The following MFSD6 variants were observed in gnomAD, a reference collection of about 807,000 sequenced individuals.
MFSD6 encodes major facilitator superfamily domain-containing protein 6.
MFSD6 carries 26 observed loss-of-function variants against 56.3 expected under a neutral mutation model. The ratio of observed to expected loss-of-function variants is 0.46; its 90% CI spans 0.34 to 0.64. MFSD6 has a LOEUF of 0.64. Ranked by LOEUF, MFSD6 falls within the 30% of genes least tolerant of loss-of-function variation. The pLI, the probability that MFSD6 is intolerant of heterozygous loss-of-function variation, is 0.01. For missense variants in MFSD6, 750 were observed against 986.2 expected, an observed-to-expected ratio of 0.76 and a Z score of 3.21; for synonymous variants, 331 against 366.9, an observed-to-expected ratio of 0.90 and a Z score of 1.12.
At chr2:190,486,447 T>G (rs1689012941) in intron 4 of MFSD6, among the ~76,000 whole-genome samples, 1 of 152,238 alleles carries the variant, frequency 6.6e-6, no homozygotes, top group South Asian at 2.1e-4. Context: ...TCTAGCCACC[T>G]TGGCTCCCTA....
chr2:190,432,755 G>A (rs1025618032), intron 2 of MFSD6, among the ~76,000 whole-genome samples: 1 of 152,018 alleles, frequency 6.6e-6, no homozygotes, highest in African/African-American at 2.4e-5. Context: ...AAAATAACCT[G>A]CATTTGTTTG....
intron 4 of MFSD6, among the ~76,000 whole-genome samples, chr2:190,486,909 A>G (rs1046967544): frequency 1.3e-5 from 2 of 152,216 alleles, no homozygotes; most frequent in Non-Finnish European, 1.5e-5. Context: ...AATTCAGACA[A>G]TGCAGTTACT....
In MFSD6 at chr2:190,489,472, A is replaced by C. The variant is rs573896054; in HGVS notation, c.1793-296A>C. Among the ~76,000 whole-genome samples the C allele has an allele frequency of 1.3e-5, 2 of 152,226 alleles. No homozygotes were observed. Among genetic ancestry groups the C allele is most frequent in the African/African-American group, 4.8e-5 (2 of 41,462 alleles). ...ATAATTGGGTAAATGGTCTTTTCATATGAAGAGGAGAGCACCATTGAATTG... is the reference window on the plus strand; with the variant it reads ...ATAATTGGGTAAATGGTCTTTTCATCTGAAGAGGAGAGCACCATTGAATTG... On this transcript the variant is annotated intron_variant, in intron 5 of 7. Coordinates refer to ENST00000392328, the MANE Select transcript of MFSD6 (RefSeq NM_017694.4). This position sits in a 1 kb window ranked among gnomAD's most constrained non-coding sequence, Gnocchi z 6.6.
At chr2:190,479,519 A>G (rs969224452) in intron 4 of MFSD6, among the ~76,000 whole-genome samples, 3 of 152,192 alleles carry the variant, frequency 2.0e-5, no homozygotes, top group Non-Finnish European at 2.9e-5. Flanking sequence ...TACAAAGAAC[A>G]ATTAAACATT....
At chr2:190,435,810 C>A in intron 2 of MFSD6, 167 bp from the exon 3 acceptor site, 2 of 565,128 alleles carry the variant, frequency 3.5e-6, no homozygotes, top group South Asian at 3.5e-5. Flanking sequence ...TTTTTAAAAG[C>A]TATTTTTCCT....
intron 3 of MFSD6, among the ~76,000 whole-genome samples, chr2:190,446,589 G>A (rs1456208168): frequency 6.6e-6 from 1 of 152,160 alleles, no homozygotes; most frequent in Non-Finnish European, 1.5e-5. Flanking sequence ...AAATTTGGGG[G>A]ATCAGAGAGA....
rs1469771538 is a variant in MFSD6, at chr2:190,426,781, A to G, written c.-53-9196A>G. 6.6e-6 allele frequency among the ~76,000 whole-genome samples: 1 copy of G among 152,148 alleles called. No individual in the cohort carries two copies. Among genetic ancestry groups the G allele is most frequent in the Non-Finnish European group, 1.5e-5 (1 of 68,032 alleles). ...ATCTTCCTGGTTCTTGGTGTGACGA[A>G]TGATTTTTTATTGAAAGCAAGATGT... On this transcript the variant is annotated intron_variant, in intron 2 of 7. Transcript: ENST00000392328. The surrounding 1 kb of genome is among the most constrained non-coding windows in gnomAD (Gnocchi z 4.7).
chr2:190,485,130 C>CT lies in MFSD6; in HGVS notation c.1631-3524dup, dbSNP rs1688938314. On this transcript the variant is annotated intron_variant, in intron 4 of 7. Coordinates refer to ENST00000392328, the MANE Select transcript of MFSD6 (RefSeq NM_017694.4). The surrounding 1 kb of genome is among the most constrained non-coding windows in gnomAD (Gnocchi z 5.1). The stretch of plus-strand genomic sequence containing the variant: ...ACTTAAGTCATCCCACTGGAAAATG[C>CT]TTTAATTATCTTAGAACACTCAAAG... 6.6e-6 allele frequency among the ~76,000 whole-genome samples: 1 copy of CT among 152,128 alleles called. No individual in the cohort carries two copies. Among genetic ancestry groups the CT allele is most frequent in the Non-Finnish European group, 1.5e-5 (1 of 68,010 alleles).
chr2:190,477,676 A>G (rs1433158253), intron 4 of MFSD6, among the ~76,000 whole-genome samples: 1 of 152,232 alleles, frequency 6.6e-6, no homozygotes, highest in Non-Finnish European at 1.5e-5. Flanking sequence ...ATATACATAT[A>G]TTAACTCAGG....
intron 3 of MFSD6, among the ~76,000 whole-genome samples, chr2:190,464,235 T>C (rs1229088055): frequency 6.6e-6 from 1 of 152,172 alleles, no homozygotes; most frequent in African/African-American, 2.4e-5. Flanking sequence ...TAAAAAACAA[T>C]CTTCATCTGG....
In MFSD6 at chr2:190,459,523, TAAC is replaced by T. The variant is rs553617054; in HGVS notation, c.1533-10229_1533-10227del. Among the ~76,000 whole-genome samples the T allele has an allele frequency of 5.2e-4, 79 of 152,310 alleles. 1 individual carries two copies. The highest frequency in any genetic ancestry group is 6.8e-3 in the Middle Eastern group (2 of 294). On this transcript the variant is annotated intron_variant, in intron 3 of 7. Coordinates refer to ENST00000392328, the MANE Select transcript of MFSD6 (RefSeq NM_017694.4). This position sits in a 1 kb window ranked among gnomAD's most constrained non-coding sequence, Gnocchi z 5.3. ...AGTCATTTGACTAAACAGAAAAATA[TAAC>T]AACAAAACAGCATATTGTGTCTTCT... is the stretch of plus-strand genomic sequence containing the variant.
Position 190,424,997 on chromosome 2 carries a change from A to T in MFSD6, c.-54+9584A>T, listed in dbSNP as rs1287638068. 6.6e-6 allele frequency among the ~76,000 whole-genome samples: 1 copy of T among 152,216 alleles called. No individual in the cohort carries two copies. Among genetic ancestry groups the T allele is most frequent in the South Asian group, 2.1e-4 (1 of 4,834 alleles). On this transcript the variant is annotated intron_variant, in intron 2 of 7. Transcript: ENST00000392328. This position sits in a 1 kb window ranked among gnomAD's most constrained non-coding sequence, Gnocchi z 5.9. ...TTGAGGAGAATTGAAATTCATAAAC[A>T]TGGATCCATTTATTTAGCTCTTTGA...
In MFSD6 at chr2:190,488,471, A is replaced by G. The variant is rs1689144438; in HGVS notation, c.1631-186A>G. ...GATGGATGGTGGTGACAGCTGCACA[A>G]CACTGTGAGTGTACTCAGTGCCACT... On this transcript the variant is annotated intron_variant, in intron 4 of 7. Coordinates refer to ENST00000392328, the MANE Select transcript of MFSD6 (RefSeq NM_017694.4). The surrounding 1 kb of genome is among the most constrained non-coding windows in gnomAD (Gnocchi z 6.4). Among the ~76,000 whole-genome samples the G allele has an allele frequency of 6.6e-6, 1 of 152,248 alleles. No homozygotes were observed. Among genetic ancestry groups the G allele is most frequent in the Non-Finnish European group, 1.5e-5 (1 of 68,044 alleles).
chr2:190,473,290 G>C (rs1004664721), intron 4 of MFSD6, among the ~76,000 whole-genome samples: 3 of 152,126 alleles, frequency 2.0e-5, no homozygotes, highest in African/African-American at 4.8e-5. Context: ...ACACAGACTG[G>C]CAAATTGGAT....
chr2:190,408,536 C>A, intron 1 of MFSD6, 33 bp downstream of exon 1: 1 of 151,752 alleles, frequency 6.6e-6, no homozygotes, highest in South Asian at 2.0e-4. Flanking sequence ...AGAAGGGGCT[C>A]GCAGACCCGC....
rs1690025637 is a variant in MFSD6, at chr2:190,501,557, G to A, written c.*1339G>A. On this transcript the variant is annotated 3_prime_UTR_variant, in exon 8 of 8. Transcript: ENST00000392328. ...TATATAATTTATAATAGCTGTGGAT[G>A]AGCACAGGAGAGAGAGGAAAGAAAA... 6.6e-6 allele frequency: 1 copy of A among 152,142 alleles called. No individual in the cohort carries two copies. Among genetic ancestry groups the A allele is most frequent in the Admixed American group, 6.5e-5 (1 of 15,272 alleles). 9.4% of individuals were successfully genotyped at this position (152,142 alleles called of 1,614,324 possible). A position where few individuals can be genotyped will look rare whatever the true frequency, so the allele number is the denominator to read the frequency against.
At position 190,463,965 on chromosome 2, in the gene MFSD6, G is replaced by C. The variant is rs1227082784; in HGVS notation, c.1533-5793G>C. Reference sequence around the variant, plus strand: ...CTGTAGACTGTGCTCCAGGGATCTGGTGTCAACAACCAGCTCTTTTCATTA... The same window carrying C: ...CTGTAGACTGTGCTCCAGGGATCTGCTGTCAACAACCAGCTCTTTTCATTA... On this transcript the variant is annotated intron_variant, in intron 3 of 7. Transcript: ENST00000392328. The surrounding 1 kb of genome is among the most constrained non-coding windows in gnomAD (Gnocchi z 4.4). 1 of 867,790 alleles carries C rather than the reference G, an allele frequency of 1.2e-6. No individual in the cohort carries two copies. Among genetic ancestry groups the C allele is most frequent in the Admixed American group, 6.2e-5 (1 of 16,120 alleles). The allele number at this position is 867,790 out of a possible 1,614,324, so 53.8% of individuals were successfully genotyped here. A position where few individuals can be genotyped will look rare whatever the true frequency, so the allele number is the denominator to read the frequency against.
rs1183186687 is a variant in MFSD6 at position 190,431,298 on chromosome 2, G to A, written c.-53-4679G>A. ...CAGAGACGCTCCTCACTTCCCAGAC[G>A]GGGTGGCGGCCGGGCAGAGGCTGCA... On this transcript the variant is annotated intron_variant, in intron 2 of 7. Coordinates refer to ENST00000392328, the MANE Select transcript of MFSD6 (RefSeq NM_017694.4). The surrounding 1 kb of genome is among the most constrained non-coding windows in gnomAD (Gnocchi z 4.4). 7.2e-5 allele frequency among the ~76,000 whole-genome samples: 11 copies of A among 152,272 alleles called. No individual in the cohort carries two copies. In the East Asian group the frequency reaches 1.2e-3, roughly 16 times the overall value.
Position 190,496,998 on chromosome 2 carries a change from A to C in MFSD6, c.1892-441A>C, listed in dbSNP as rs866804436. On this transcript the variant is annotated intron_variant, in intron 6 of 7. Transcript: ENST00000392328. This position sits in a 1 kb window ranked among gnomAD's most constrained non-coding sequence, Gnocchi z 4.7. ...GTGATGGTTGCACCAAAATCTCACA[A>C]ATCACCATTAGAGAACTTACGTAAC... Among the ~76,000 whole-genome samples the C allele has an allele frequency of 6.6e-6, 1 of 152,188 alleles. No homozygotes were observed. Among genetic ancestry groups the C allele is most frequent in the Non-Finnish European group, 1.5e-5 (1 of 68,028 alleles).
Sources: gnomAD v4.1 joint callset for allele counts (sites outside exome capture counted in the v4.1 genomes callset) on GRCh38, gnomAD v4.1.1 for gene constraint, Gnocchi (gnomAD v3.1) non-coding constraint, MANE v1.5 for transcripts, NCBI Gene and HGNC (gene_info 2026-07-23, HGNC 2026-07-21) for gene names.